Variants in EIF3H observed in about 807,000 individuals in gnomAD.
EIF3H encodes eIF-3-gamma.
A neutral mutation model predicts 44.2 loss-of-function variants in EIF3H; 26 were observed. That is an observed-to-expected ratio of 0.59 (90% CI 0.43 to 0.82). The LOEUF (loss-of-function observed/expected upper bound fraction) is 0.82. EIF3H is among the 40% of genes least tolerant of loss of function. EIF3H has a pLI of 0.00. For missense variants in EIF3H, 359 were observed against 432.8 expected (o/e 0.83, Z 1.51); for synonymous variants, 166 against 151.9 (o/e 1.09, Z -0.68).
chr8:116,672,947 G>A (rs1304968709), intron 2 of EIF3H, among the ~76,000 whole-genome samples: 1 of 148,712 alleles, frequency 6.7e-6, no homozygotes, highest in Non-Finnish European at 1.5e-5. Flanking sequence ...AATCCACTGA[G>A]TCCAAGTTTT....
At chr8:116,709,956 T>G (rs1814545966) in intron 2 of EIF3H, among the ~76,000 whole-genome samples, 2 of 152,182 alleles carry the variant, frequency 1.3e-5, no homozygotes, top group Admixed American at 6.5e-5. Flanking sequence ...ACACCTTCAT[T>G]TTTTACAAAG....
chr8:116,645,170 T>A, intron 7 of EIF3H, 67 bp from the exon 8 acceptor site: 1 of 1,264,212 alleles, frequency 7.9e-7, no homozygotes, highest in Admixed American at 1.9e-5. Context: ...AGAAAGCTAG[T>A]CAAACAGAAA....
At chr8:116,754,273 C>CCGGCTAAT (rs1815405529) in intron 1 of EIF3H, among the ~76,000 whole-genome samples, 1 of 152,138 alleles carries the variant, frequency 6.6e-6, no homozygotes, top group Non-Finnish European at 1.5e-5. Context: ...GCCAACATGC[C>CCGGCTAAT]CGGCTAATTT....
chr8:116,728,263 C>A (rs1814885976), intron 1 of EIF3H, among the ~76,000 whole-genome samples: 1 of 129,678 alleles, frequency 7.7e-6, no homozygotes. Context: ...GTAATTCTCA[C>A]AACCACCTTA....
chr8:116,656,951 C>T (rs144109432), intron 4 of EIF3H, among the ~76,000 whole-genome samples: 9 of 152,322 alleles, frequency 5.9e-5, no homozygotes, highest in African/African-American at 2.2e-4. Flanking sequence ...TTTATTCAAT[C>T]ATTTATTTCT....
intron 2 of EIF3H, among the ~76,000 whole-genome samples, chr8:116,677,580 T>C (rs560055445): frequency 1.4e-4 from 21 of 152,372 alleles, no homozygotes; most frequent in African/African-American, 4.3e-4. Flanking sequence ...GAAAAAATGC[T>C]GGCACTAACA....
intron 1 of EIF3H, among the ~76,000 whole-genome samples, chr8:116,734,601 G>A (rs932593112): frequency 1.6e-4 from 24 of 152,178 alleles, no homozygotes; most frequent in Non-Finnish European, 3.1e-4. Context: ...TGTCACACAG[G>A]CTGGAGTGCA....
chr8:116,696,852 A>G (rs1370798326), intron 2 of EIF3H, among the ~76,000 whole-genome samples: 3 of 152,216 alleles, frequency 2.0e-5, no homozygotes, highest in African/African-American at 7.2e-5. Context: ...AAAACATATG[A>G]GGCAGAACAG....
chr8:116,686,879 TA>T (rs1346005346), intron 2 of EIF3H, among the ~76,000 whole-genome samples: 2 of 152,086 alleles, frequency 1.3e-5, no homozygotes, highest in East Asian at 3.8e-4. Flanking sequence ...ATTTTTAGGG[TA>T]ATCTTCAAAC....
At chr8:116,691,750 T>C (rs1814178745) in intron 2 of EIF3H, among the ~76,000 whole-genome samples, 1 of 151,912 alleles carries the variant, frequency 6.6e-6, no homozygotes, top group Admixed American at 6.6e-5. Flanking sequence ...TTGTGCACGC[T>C]TGTAATTCCA....
chr8:116,706,249 A>AAC (rs1312516713), intron 2 of EIF3H, among the ~76,000 whole-genome samples: 2 of 152,230 alleles, frequency 1.3e-5, no homozygotes, highest in Non-Finnish European at 2.9e-5. Flanking sequence ...AGCTCTGAAG[A>AAC]ACACAGCCCC....
intron 2 of EIF3H, among the ~76,000 whole-genome samples, chr8:116,677,963 T>C (rs1016177389): frequency 6.6e-6 from 1 of 152,230 alleles, no homozygotes; most frequent in Non-Finnish European, 1.5e-5. Context: ...TTAAATGTAA[T>C]ATATTCATGC....
intron 2 of EIF3H, among the ~76,000 whole-genome samples, chr8:116,665,584 T>C (rs997881397): frequency 4.6e-5 from 7 of 152,076 alleles, no homozygotes; most frequent in African/African-American, 1.7e-4. Context: ...AACAAACCAA[T>C]GATTTCAACA....
intron 2 of EIF3H, among the ~76,000 whole-genome samples, chr8:116,682,231 C>CA (rs771777451): frequency 1.3e-5 from 2 of 152,196 alleles, no homozygotes; most frequent in Non-Finnish European, 2.9e-5. Context: ...ATTGCTTCCT[C>CA]AAACTTTTCA....
intron 2 of EIF3H, among the ~76,000 whole-genome samples, chr8:116,722,344 C>T (rs539588245): frequency 2.0e-3 from 306 of 152,226 alleles, no homozygotes; most frequent in African/African-American, 6.6e-3. Context: ...TCCATTAAAC[C>T]TTTTTCTTTG....
chr8:116,700,950 T>C (rs1248969572), intron 2 of EIF3H, among the ~76,000 whole-genome samples: 1 of 152,210 alleles, frequency 6.6e-6, no homozygotes, highest in Non-Finnish European at 1.5e-5. Context: ...TCTTTAATCA[T>C]AAAGTAAGAC....
chr8:116,751,878 A>C (rs1235306895), intron 1 of EIF3H, among the ~76,000 whole-genome samples: 2 of 152,174 alleles, frequency 1.3e-5, no homozygotes, highest in Non-Finnish European at 2.9e-5. Flanking sequence ...AGGCACAAAG[A>C]CTTGCCCAAT....
At chr8:116,678,175 G>T (rs1813883771) in intron 2 of EIF3H, among the ~76,000 whole-genome samples, 1 of 151,148 alleles carries the variant, frequency 6.6e-6, no homozygotes, top group Non-Finnish European at 1.5e-5. Context: ...TTTTTTTTTT[G>T]GTGGAGACGG....
chr8:116,732,065 G>A (rs758640579), intron 1 of EIF3H, among the ~76,000 whole-genome samples: 6 of 152,184 alleles, frequency 3.9e-5, no homozygotes, highest in Non-Finnish European at 8.8e-5. Context: ...ATCCCAACCT[G>A]CAAGATAGTA....
Sources: allele counts gnomAD v4.1 joint callset (sites outside exome capture counted in the v4.1 genomes callset), GRCh38; gene constraint gnomAD v4.1.1; transcripts MANE v1.5; gene names NCBI Gene and HGNC (gene_info 2026-07-23, HGNC 2026-07-21).